LHFPL3: variants seen among roughly 807,000 people sequenced by gnomAD.
LHFPL3 encodes the protein LHFPL tetraspan subfamily member 3 protein.
A neutral mutation model predicts 19.3 loss-of-function variants in LHFPL3; 5 were observed. The observed-to-expected ratio is 0.26, with a 90% confidence interval of 0.14 to 0.54. The LOEUF is 0.54. LHFPL3 is among the 20% of genes least tolerant of loss of function. LHFPL3 has a pLI of 0.94. For missense variants in LHFPL3, 249 were observed against 307.4 expected, an observed-to-expected ratio of 0.81 and a Z score of 1.42; for synonymous variants, 133 against 126.2, an observed-to-expected ratio of 1.05 and a Z score of -0.36.
intron 2 of LHFPL3, among the ~76,000 whole-genome samples, chr7:104,833,070 A>ATATTATATATATATCTATTATATATATC (rs1584563827): frequency 5.3e-5 from 1 of 19,006 alleles, no homozygotes. Context: ...TATAATATAT[A>ATATTATATATATATCTATTATATATATC]TATTATATAT....
intron 1 of LHFPL3, among the ~76,000 whole-genome samples, chr7:104,585,681 A>G (rs1404347113): frequency 6.6e-6 from 1 of 152,132 alleles, no homozygotes; most frequent in African/African-American, 2.4e-5. Context: ...CCCTGGAAAT[A>G]TACATGCTCC....
intron 1 of LHFPL3, among the ~76,000 whole-genome samples, chr7:104,615,850 A>T (rs1280826054): frequency 2.0e-5 from 3 of 152,162 alleles, no homozygotes; most frequent in Admixed American, 2.0e-4. Context: ...AAAGGACATG[A>T]ACAGAGAGCT....
chr7:104,601,779 C>G (rs932182669), intron 1 of LHFPL3, among the ~76,000 whole-genome samples: 3 of 152,128 alleles, frequency 2.0e-5, no homozygotes, highest in Non-Finnish European at 4.4e-5. Flanking sequence ...CCTCACCATA[C>G]TTTCTCACTG....
intron 2 of LHFPL3, among the ~76,000 whole-genome samples, chr7:104,835,494 T>C (rs1188705222): frequency 6.6e-6 from 1 of 151,828 alleles, no homozygotes; most frequent in Non-Finnish European, 1.5e-5. Flanking sequence ...ACTCAGTAAA[T>C]ATTATTGAGC....
intron 1 of LHFPL3, among the ~76,000 whole-genome samples, chr7:104,528,465 A>G (rs969665461): frequency 6.6e-6 from 1 of 152,174 alleles, no homozygotes; most frequent in Non-Finnish European, 1.5e-5. Flanking sequence ...CAGATAAGCA[A>G]TTAAAAAACA....
chr7:104,644,925 T>G (rs1791904919), intron 1 of LHFPL3, among the ~76,000 whole-genome samples: 1 of 152,170 alleles, frequency 6.6e-6, no homozygotes, highest in Admixed American at 6.5e-5. Context: ...AAAATAGTGT[T>G]GAGGACCATT....
chr7:104,653,800 G>GA (rs1413302499), intron 1 of LHFPL3, among the ~76,000 whole-genome samples: 4 of 151,868 alleles, frequency 2.6e-5, no homozygotes, highest in Non-Finnish European at 5.9e-5. Flanking sequence ...TCCCAGCCAA[G>GA]AAAAAAAATT....
chr7:104,491,470 T>TA (rs71153199), intron 1 of LHFPL3, among the ~76,000 whole-genome samples: 41,044 of 145,774 alleles, frequency 0.28, 6,408 homozygotes, highest in Non-Finnish European at 0.37. Context: ...TTTTTCCATG[T>TA]AAAAAAAAAA....
At position 104,564,520 on chromosome 7, in the gene LHFPL3, T is replaced by A. The variant is rs1219246510; in HGVS notation, c.446-172155T>A. On this transcript the variant is annotated intron_variant, in intron 1 of 2. Coordinates refer to ENST00000424859, the MANE Select transcript of LHFPL3 (RefSeq NM_199000.3). ...ATATTTGAATAATATTATGAATCCA[T>A]CTAGATACCTCATATAATCTGATCA... Among the ~76,000 whole-genome samples the A allele has an allele frequency of 3.3e-5, 5 of 152,244 alleles. No homozygotes were observed. In the South Asian group the frequency reaches 8.3e-4, roughly 25 times the overall value.
At chr7:104,417,754 T>C (rs1349207748) in intron 1 of LHFPL3, among the ~76,000 whole-genome samples, 1 of 123,718 alleles carries the variant, frequency 8.1e-6, no homozygotes, top group Admixed American at 7.5e-5. Context: ...ACATAACTAA[T>C]ATGCAGTAAA....
chr7:104,517,329 A>G (rs935526147), intron 1 of LHFPL3, among the ~76,000 whole-genome samples: 1 of 151,994 alleles, frequency 6.6e-6, no homozygotes, highest in Non-Finnish European at 1.5e-5. Flanking sequence ...CCTTAAAAAT[A>G]ATTAATTAAA....
At chr7:104,634,445 A>G (rs758496363) in intron 1 of LHFPL3, among the ~76,000 whole-genome samples, 3 of 152,064 alleles carry the variant, frequency 2.0e-5, no homozygotes, top group Non-Finnish European at 4.4e-5. Context: ...TTTAACCTTT[A>G]TCACCTCCTC....
intron 1 of LHFPL3, among the ~76,000 whole-genome samples, chr7:104,510,203 A>G (rs1793783247): frequency 6.6e-6 from 1 of 152,196 alleles, no homozygotes; most frequent in African/African-American, 2.4e-5. Context: ...AATCTCAGCA[A>G]GACTTTCTGT....
intron 2 of LHFPL3, among the ~76,000 whole-genome samples, chr7:104,842,894 T>C (rs2116592984): frequency 1.3e-5 from 2 of 152,372 alleles, no homozygotes; most frequent in Non-Finnish European, 2.9e-5. Flanking sequence ...CACTTTTGCC[T>C]GAGCAACATT....
At chr7:104,814,241 G>T (rs1358888172) in intron 2 of LHFPL3, among the ~76,000 whole-genome samples, 1 of 152,048 alleles carries the variant, frequency 6.6e-6, no homozygotes, top group African/African-American at 2.4e-5. Flanking sequence ...CTCTGCAGCT[G>T]GTTGTCCCAT....
intron 2 of LHFPL3, among the ~76,000 whole-genome samples, chr7:104,769,606 T>C (rs28432670): frequency 5.0e-4 from 75 of 150,906 alleles, no homozygotes; most frequent in African/African-American, 1.6e-3. Context: ...TGTCCCTCTT[T>C]TAGCCCCCCC....
intron 1 of LHFPL3, among the ~76,000 whole-genome samples, chr7:104,429,273 C>T (rs1791904179): frequency 6.8e-6 from 1 of 146,750 alleles, no homozygotes; most frequent in Non-Finnish European, 1.5e-5. Flanking sequence ...TCCAAGGATG[C>T]ATATTTCGGA....
chr7:104,881,092 C>T (rs1792045622), intron 2 of LHFPL3, among the ~76,000 whole-genome samples: 1 of 150,034 alleles, frequency 6.7e-6, no homozygotes, highest in Admixed American at 6.7e-5. Flanking sequence ...ATGGCGTGAA[C>T]CTGGGAGGCG....
rs183911301 is a variant in LHFPL3 at position 104,351,969 on chromosome 7, C to T, written c.445+22745C>T. ...ACCCCAAAGCTTTGGGAGGTCATAG[C>T]GGGAGGATTGCTTGAGGCCAGGAGT... is the stretch of plus-strand genomic sequence containing the variant. On this transcript the variant is annotated intron_variant, in intron 1 of 2. Coordinates refer to ENST00000424859, the MANE Select transcript of LHFPL3 (RefSeq NM_199000.3). 1.1e-3 allele frequency among the ~76,000 whole-genome samples: 174 copies of T among 151,994 alleles called. 1 individual carries two copies. Among genetic ancestry groups the T allele is most frequent in the Non-Finnish European group, 8.4e-4 (57 of 67,984 alleles).
Sources: gnomAD v4.1 joint callset for allele counts (sites outside exome capture counted in the v4.1 genomes callset) on GRCh38, gnomAD v4.1.1 for gene constraint, MANE v1.5 for transcripts, NCBI Gene and HGNC (gene_info 2026-07-23, HGNC 2026-07-21) for gene names.